Variants in OR1J2 observed in about 807,000 individuals in gnomAD.
OR1J2 encodes the protein olfactory receptor 1J2.
For missense variants in OR1J2, 304 were observed against 246.1 expected (o/e 1.24, Z -1.57); for synonymous variants, 142 against 99.7 (o/e 1.42, Z -2.52).
At chr9:122,529,783 C>T in the OR1J2 span, among the ~76,000 whole-genome samples, 3 of 152,152 alleles carry the variant, frequency 2.0e-5, no homozygotes, top group African/African-American at 4.8e-5. Flanking sequence ...ACTGCCTCTT[C>T]GTCTACTGTG....
chr9:122,571,351 T>A, the OR1J2 span, among the ~76,000 whole-genome samples: 1 of 151,730 alleles, frequency 6.6e-6, no homozygotes, highest in Non-Finnish European at 1.5e-5. Context: ...GGAGATTGGG[T>A]GCATCCTGGC....
chr9:122,453,505 C>T, the OR1J2 span, among the ~76,000 whole-genome samples: 1 of 152,182 alleles, frequency 6.6e-6, no homozygotes, highest in Non-Finnish European at 1.5e-5. Context: ...ACTTGTGATA[C>T]AAGACTAATT....
the OR1J2 span, among the ~76,000 whole-genome samples, chr9:122,458,736 T>G: frequency 3.3e-5 from 5 of 152,168 alleles, no homozygotes; most frequent in African/African-American, 1.2e-4. Context: ...AAATGAGATT[T>G]GGGTGGGTAC....
chr9:122,497,059 G>A, the OR1J2 span, among the ~76,000 whole-genome samples: 5 of 151,940 alleles, frequency 3.3e-5, no homozygotes, highest in African/African-American at 9.7e-5. Context: ...TGTACATCCC[G>A]ACAGCACTGA....
At chr9:122,483,971 T>C in the OR1J2 span, among the ~76,000 whole-genome samples, 2 of 152,184 alleles carry the variant, frequency 1.3e-5, no homozygotes, top group Admixed American at 6.5e-5. Context: ...CAATTTATAA[T>C]AAGAGTTATT....
the OR1J2 span, among the ~76,000 whole-genome samples, chr9:122,489,675 G>A: frequency 6.6e-6 from 1 of 152,194 alleles, no homozygotes; most frequent in Admixed American, 6.5e-5. Flanking sequence ...CTGGATGAAT[G>A]CCTCAAGGGG....
At chr9:122,458,836 CT>C in the OR1J2 span, among the ~76,000 whole-genome samples, 410 of 149,392 alleles carry the variant, frequency 2.7e-3, no homozygotes, top group African/African-American at 9.3e-3. Flanking sequence ...TCCTAAACTG[CT>C]TTTTTTTTTC....
chr9:122,514,271 T>A (rs1431632162), downstream of OR1J2, among the ~76,000 whole-genome samples: 1 of 152,180 alleles, frequency 6.6e-6, no homozygotes, highest in Admixed American at 6.5e-5. Flanking sequence ...TACCCAATAG[T>A]TGGTTTTTCA....
At chr9:122,476,544 C>G in the OR1J2 span, among the ~76,000 whole-genome samples, 1 of 152,060 alleles carries the variant, frequency 6.6e-6, no homozygotes, top group Non-Finnish European at 1.5e-5. Flanking sequence ...ATAATAATAT[C>G]AGGAAAGCAT....
the OR1J2 span, among the ~76,000 whole-genome samples, chr9:122,478,848 C>T: frequency 1.2e-4 from 18 of 150,914 alleles, no homozygotes; most frequent in South Asian, 3.0e-3. Flanking sequence ...GGTGAGATCT[C>T]GGCACACTGT....
chr9:122,561,316 C>G, the OR1J2 span, among the ~76,000 whole-genome samples: 8 of 152,220 alleles, frequency 5.3e-5, no homozygotes, highest in Admixed American at 3.3e-4. Flanking sequence ...TTGTTATTAC[C>G]CACCTTCTGA....
chr9:122,523,579 G>A, the OR1J2 span, among the ~76,000 whole-genome samples: 9 of 152,082 alleles, frequency 5.9e-5, no homozygotes, highest in African/African-American at 1.9e-4. Flanking sequence ...GAAGACAATG[G>A]CATATAGATA....
At chr9:122,477,457 A>G in the OR1J2 span, 1 of 1,614,004 alleles carries the variant, frequency 6.2e-7, no homozygotes, top group Admixed American at 1.7e-5. Context: ...GGTATGCAAA[A>G]GAGCACACGC....
At chr9:122,568,183 G>A in the OR1J2 span, 10 of 1,614,090 alleles carry the variant, frequency 6.2e-6, no homozygotes, top group African/African-American at 1.3e-5. Flanking sequence ...ATCTGTGTCA[G>A]ACACCCAGCA....
chr9:122,532,796 G>A, the OR1J2 span, among the ~76,000 whole-genome samples: 4 of 152,134 alleles, frequency 2.6e-5, no homozygotes, highest in Non-Finnish European at 5.9e-5. Flanking sequence ...ACAGGGTGCG[G>A]TCCCGGCTCT....
chr9:122,477,731 A>G, the OR1J2 span: 1 of 1,614,172 alleles, frequency 6.2e-7, no homozygotes, highest in Non-Finnish European at 8.5e-7. Flanking sequence ...GTGAGGGCCA[A>G]GTGGCTAAGG....
the OR1J2 span, among the ~76,000 whole-genome samples, chr9:122,459,016 G>C: frequency 6.6e-6 from 1 of 151,782 alleles, no homozygotes; most frequent in Non-Finnish European, 1.5e-5. Flanking sequence ...ACCTCCATGA[G>C]GTCAAATTTT....
chr9:122,479,656 T>C, the OR1J2 span, among the ~76,000 whole-genome samples: 1 of 152,230 alleles, frequency 6.6e-6, no homozygotes, highest in African/African-American at 2.4e-5. Context: ...TAAATACCAG[T>C]ACCAGAAGGA....
upstream of OR1J2, among the ~76,000 whole-genome samples, chr9:122,507,680 A>G (rs1410481745): frequency 6.6e-6 from 1 of 152,042 alleles, no homozygotes; most frequent in East Asian, 1.9e-4. Flanking sequence ...CAGTTTGTAT[A>G]CTCAATTCCA....
Sources: gnomAD v4.1 joint callset for allele counts (sites outside exome capture counted in the v4.1 genomes callset) on GRCh38, gnomAD v4.1.1 for gene constraint, MANE v1.5 for transcripts, NCBI Gene and HGNC (gene_info 2026-07-23, HGNC 2026-07-21) for gene names.